The following DSG1 variants were observed in gnomAD, a reference collection of about 807,000 sequenced individuals.
The protein encoded by DSG1 is desmoglein 1.
DSG1 carries 39 observed loss-of-function variants against 97.5 expected under a neutral mutation model. The ratio of observed to expected loss-of-function variants is 0.40; its 90% CI spans 0.31 to 0.52. DSG1 has a LOEUF of 0.52. DSG1 is among the 20% of genes least tolerant of loss of function. DSG1 has a pLI of 0.53. For synonymous variants in DSG1, 475 were observed against 443.4 expected (o/e 1.07, Z -0.90); for missense variants, 1,311 against 1,295.4 (o/e 1.01, Z -0.18).
At chr18:31,320,810 A>G (rs77706218) in intron 1 of DSG1, among the ~76,000 whole-genome samples, 4,556 of 152,294 alleles carry the variant, frequency 0.03, 234 homozygotes, top group African/African-American at 0.1. Context: ...GTATATGACA[A>G]TGGTAAAAAG....
At chr18:31,332,925 G>A (rs2144094685) in intron 6 of DSG1, among the ~76,000 whole-genome samples, 1 of 152,260 alleles carries the variant, frequency 6.6e-6, no homozygotes, top group East Asian at 1.9e-4. Context: ...GTAAGAAAGG[G>A]CTGTCAGAAG....
At position 31,341,149 on chromosome 18, in the gene DSG1, C is replaced by T. The variant is rs552544576; in HGVS notation, c.1687+1124C>T. ...ATAGAAATTAGAGCAAGATAAACCA[C>T]ATGGCACAGTCTTCGGGAAATGAGA... On this transcript the variant is annotated intron_variant, in intron 11 of 14. Coordinates refer to ENST00000257192, the MANE Select transcript of DSG1 (RefSeq NM_001942.4). Among the ~76,000 whole-genome samples the T allele has an allele frequency of 4.6e-5, 7 of 152,314 alleles. No individual in the cohort carries two copies. In the South Asian group the frequency reaches 1.0e-3, roughly 23 times the overall value.
At chr18:31,342,888 A>C (rs1053813044) in intron 11 of DSG1, among the ~76,000 whole-genome samples, 1 of 147,192 alleles carries the variant, frequency 6.8e-6, no homozygotes, top group Non-Finnish European at 1.5e-5. Flanking sequence ...ATAATGTAAT[A>C]CTATCTGTGA....
rs764937742 is a variant in DSG1, at chr18:31,339,726, T to C, written c.1406-18T>C. On this transcript the variant is annotated intron_variant, in intron 10 of 14. Transcript: ENST00000257192. ...CTAAATGTCTAAAATATTTCTTCCA[T>C]TTTGAACGTTATTACAGATAATCTT... 5.0e-6 allele frequency: 8 copies of C among 1,584,676 alleles called. No individual in the cohort carries two copies. The highest frequency in any genetic ancestry group is 6.1e-6 in the Non-Finnish European group (7 of 1,153,906).
chr18:31,330,178 G>A (rs1003929301), intron 5 of DSG1, 142 bp downstream of exon 5: 13 of 1,081,874 alleles, frequency 1.2e-5, no homozygotes, highest in Non-Finnish European at 1.4e-5. Context: ...TTTCAACTAC[G>A]GAAGCAGCTC....
intron 8 of DSG1, 141 bp from the exon 9 acceptor site, chr18:31,336,213 A>G: frequency 2.9e-6 from 2 of 690,978 alleles, no homozygotes; most frequent in Non-Finnish European, 4.6e-6. Flanking sequence ...TTAAAAATTT[A>G]AGAATGGATT....
In DSG1 at chr18:31,326,607, C is replaced by T. The variant is rs1402008404; in HGVS notation, c.75C>T (p.Phe25=). Residue 25 remains phenylalanine, a synonymous_variant, in exon 2 of 15, where the codon TTC becomes TTT. Transcript: ENST00000257192. ...TGGTGGTAGAAGTTAACAGTGAATT[C>T]CGAATCCAGGTAATATATAACAAAT... ...FLVVVEVNSE[F]RIQVRDYNTK... is the part of the protein sequence containing the mutation. 2 of 1,604,346 alleles carry T rather than the reference C, an allele frequency of 1.2e-6. No homozygotes were observed. Among genetic ancestry groups the T allele is most frequent in the Non-Finnish European group, 1.7e-6 (2 of 1,172,002 alleles).
At chr18:31,350,926 G>A (rs1354764248) in intron 14 of DSG1, among the ~76,000 whole-genome samples, 1 of 150,504 alleles carries the variant, frequency 6.6e-6, no homozygotes, top group Non-Finnish European at 1.5e-5. Flanking sequence ...CCAGTTCCTG[G>A]ATTCATTAAT....
intron 14 of DSG1, among the ~76,000 whole-genome samples, chr18:31,353,749 A>T (rs2071924706): frequency 6.6e-6 from 1 of 151,854 alleles, no homozygotes; most frequent in South Asian, 2.1e-4. Context: ...GCCGTCCGTC[A>T]CCCCTTTCTT....
In DSG1 at chr18:31,339,826, G is replaced by T; in HGVS notation, c.1488G>T (p.Pro496=). Residue 496 remains proline, a synonymous_variant, in exon 11 of 15, where the codon CCG becomes CCT. Transcript: ENST00000257192. Reference sequence around the variant, plus strand: ...ATGACGACAGGACTAATACAGAGCCGAACACTAAAATTACTACCAATACTG... The same window carrying T: ...ATGACGACAGGACTAATACAGAGCCTAACACTAAAATTACTACCAATACTG... ...FGNDDRTNTE[P]NTKITTNTGR... The T allele has an allele frequency of 6.2e-7, 1 of 1,613,596 alleles. No homozygotes were observed. Among genetic ancestry groups the T allele is most frequent in the South Asian group, 1.1e-5 (1 of 91,056 alleles).
intron 9 of DSG1, 32 bp from the exon 10 acceptor site, chr18:31,338,282 AC>A: frequency 6.2e-7 from 1 of 1,607,796 alleles, no homozygotes; most frequent in Non-Finnish European, 8.5e-7. Flanking sequence ...TAGATAGCTG[AC>A]ATTAATTTGT....
In DSG1 at chr18:31,354,166, G is replaced by C. The variant is rs148387294; in HGVS notation, c.2101-131G>C. ...TAAAATGATTTTTAGAGCATCTCTA[G>C]TATGTTAAAATCTTGTTTTATTTCA... On this transcript the variant is annotated intron_variant, in intron 14 of 14. Coordinates refer to ENST00000257192, the MANE Select transcript of DSG1 (RefSeq NM_001942.4). The C allele has an allele frequency of 4.2e-4, 305 of 731,450 alleles. 1 individual carries two copies. The African/African-American group carries it at 4.9e-3, about 12-fold the overall frequency. The allele number at this position is 731,450 out of a possible 1,614,324, so 45.3% of individuals were successfully genotyped here.
At chr18:31,350,716 A>G (rs879767310) in intron 14 of DSG1, among the ~76,000 whole-genome samples, 119 of 150,726 alleles carry the variant, frequency 7.9e-4, no homozygotes, top group Non-Finnish European at 1.5e-3. Flanking sequence ...TGTGTCCAAG[A>G]ATTTATCCAT....
chr18:31,346,091 A>G lies in DSG1; in HGVS notation c.1993A>G (p.Met665Val), dbSNP rs2071831819. 6.2e-7 allele frequency: 1 copy of G among 1,613,688 alleles called. No individual in the cohort carries two copies. Among genetic ancestry groups the G allele is most frequent in the Admixed American group, 1.7e-5 (1 of 59,990 alleles). Residue 665 changes from methionine to valine, a missense_variant, in exon 14 of 15, where the codon ATG becomes GTG. Physicochemically the swap from Met to Val is conservative, Grantham distance 21. Around this residue, in one of 3 missense-constraint regions of DSG1, gnomAD observed 1,038 missense variants for 964.6 expected, o/e 1.08. Coordinates refer to ENST00000257192, the MANE Select transcript of DSG1 (RefSeq NM_001942.4). Reference sequence around the variant, plus strand: ...AACAGAGGGAGTTAAAACTTCAGGAATGCCTGAGATATGTCAAGAATACTC... The same window carrying G: ...AACAGAGGGAGTTAAAACTTCAGGAGTGCCTGAGATATGTCAAGAATACTC... ...ELTEGVKTSG[M>V]PEICQEYSGT...
At chr18:31,336,250 T>A (rs1342175323) in intron 8 of DSG1, 104 bp from the exon 9 acceptor site, 1 of 1,002,224 alleles carries the variant, frequency 1.0e-6, no homozygotes, top group Non-Finnish European at 1.4e-6. Flanking sequence ...TTGTGTTTCA[T>A]AAAAGAAAGA....
intron 1 of DSG1, among the ~76,000 whole-genome samples, chr18:31,325,683 AT>A: frequency 6.6e-6 from 1 of 152,292 alleles, no homozygotes; most frequent in Non-Finnish European, 1.5e-5. Context: ...TTAGTTTAAA[AT>A]CAGAATTTTT....
chr18:31,328,334 C>T lies in DSG1; in HGVS notation c.362C>T (p.Pro121Leu). 1 of 1,612,858 alleles carries T rather than the reference C, an allele frequency of 6.2e-7. No homozygotes were observed. Among genetic ancestry groups the T allele is most frequent in the East Asian group, 2.2e-5 (1 of 44,842 alleles). Residue 121 changes from proline (P) to leucine (L), a missense_variant, in exon 4 of 15, where the codon CCT becomes CTT. Pro to Leu is a moderately conservative substitution (Grantham distance 98, BLOSUM62 -3). This residue lies in a region of DSG1 where 259 missense variants were observed against 304.1 expected (regional missense o/e 0.85). Coordinates refer to ENST00000257192, the MANE Select transcript of DSG1 (RefSeq NM_001942.4). ...ITSIVDREVT[P>L]FFIIYCRALN... ...TCCATAGTTGATCGAGAGGTCACTCCTTTCTTCATTGTAAGTGGACTTCAT... is the reference window on the plus strand; with the variant it reads ...TCCATAGTTGATCGAGAGGTCACTCTTTTCTTCATTGTAAGTGGACTTCAT...
At chr18:31,327,065 ACTGT>A in intron 3 of DSG1, 60 bp downstream of exon 3, 2 of 1,596,458 alleles carry the variant, frequency 1.3e-6, no homozygotes, top group East Asian at 2.2e-5. Flanking sequence ...TTCAAAAGAA[ACTGT>A]CTGCTAAATA....
At chr18:31,322,294 C>A (rs2071659131) in intron 1 of DSG1, among the ~76,000 whole-genome samples, 1 of 152,186 alleles carries the variant, frequency 6.6e-6, no homozygotes, top group Non-Finnish European at 1.5e-5. Context: ...GCAGAGGTAC[C>A]ACAAGGAAGT....
Sources: allele counts gnomAD v4.1 joint callset (sites outside exome capture counted in the v4.1 genomes callset), GRCh38; gene constraint gnomAD v4.1.1; regional missense constraint gnomAD v4.1.1; transcripts MANE v1.5; gene names NCBI Gene and HGNC (gene_info 2026-07-23, HGNC 2026-07-21).